TBCD: variants seen among roughly 807,000 people sequenced by gnomAD.
The protein encoded by TBCD is tubulin folding cofactor D, also known as tubulin-specific chaperone D.
Under a neutral mutation model 169.3 loss-of-function variants are expected in TBCD, and 105 were observed. The ratio of observed to expected loss-of-function variants is 0.62; its 90% CI spans 0.53 to 0.73. TBCD has a LOEUF of 0.73. Ranked by LOEUF, TBCD falls within the 30% of genes least tolerant of loss-of-function variation. The pLI is 0.00. For missense variants in TBCD, 1,444 were observed against 1,600.1 expected (o/e 0.90, Z 1.66); for synonymous variants, 700 against 643.9 (o/e 1.09, Z -1.32).
intron 35 of TBCD, 131 bp from the exon 36 acceptor site, chr17:82,937,918 G>A (rs1259037486): frequency 6.5e-7 from 1 of 1,534,556 alleles, no homozygotes; most frequent in African/African-American, 1.4e-5. Context: ...TCCGGCTTGG[G>A]GCCCCAGGCC....
chr17:82,752,203 A>G lies in TBCD; in HGVS notation c.10A>G (p.Ser4Gly). The G allele has an allele frequency of 6.6e-7, 1 of 1,521,752 alleles. No homozygotes were observed. The allele number at this position is 1,521,752 out of a possible 1,614,324, so 94.3% of individuals were successfully genotyped here. The stretch of plus-strand genomic sequence containing the variant: ...TCCCCAGGCTGCCGAGATGGCCCTG[A>G]GCGACGAACCGGCCGCGGGCGGCCC... Reference protein sequence around the residue: MALSDEPAAGGPEE... With the variant: MALGDEPAAGGPEE... Residue 4 changes from serine to glycine, a missense_variant, in exon 1 of 39, where the codon AGC (serine) becomes GGC (glycine). By Grantham distance (56) the Ser-to-Gly change is moderately conservative (BLOSUM62 0). Coordinates refer to ENST00000355528, the MANE Select transcript of TBCD (RefSeq NM_005993.5).
rs1009755542 is a variant in TBCD at position 82,806,615 on chromosome 17, G to A, written c.1087+604G>A. On this transcript the variant is annotated intron_variant, in intron 10 of 38. Coordinates refer to ENST00000355528, the MANE Select transcript of TBCD (RefSeq NM_005993.5). This position sits in a 1 kb window ranked among gnomAD's most constrained non-coding sequence, Gnocchi z 5.1. Reference sequence around the variant, plus strand: ...GCCTCTTCATGTCCCCTCCCTGTGAGGCCCCCATCCTCCCAGTATCTCCCA... The same window carrying A: ...GCCTCTTCATGTCCCCTCCCTGTGAAGCCCCCATCCTCCCAGTATCTCCCA... Among the ~76,000 whole-genome samples, 1 of 152,062 alleles carries A rather than the reference G, an allele frequency of 6.6e-6. No homozygotes were observed. The highest frequency in any genetic ancestry group is 1.5e-5 in the Non-Finnish European group (1 of 67,994).
intron 5 of TBCD, among the ~76,000 whole-genome samples, chr17:82,771,076 C>A (rs762836149): frequency 6.7e-6 from 1 of 149,192 alleles, no homozygotes. Flanking sequence ...AAAAGCCTGC[C>A]CCAGAAAAAA....
In TBCD at chr17:82,921,504, G is replaced by A. The variant is rs754528442; in HGVS notation, c.2105G>A (p.Gly702Asp). The A allele has an allele frequency of 6.2e-7, 1 of 1,613,848 alleles. No homozygotes were observed. The highest frequency in any genetic ancestry group is 8.5e-7 in the Non-Finnish European group (1 of 1,179,876). ...MPFRGDTVID[G>D]WQWLINDTLR... is the part of the protein sequence containing the mutation. ...CGCTAACTTGATTTTTTGACAGATGGTTGGCAATGGCTGATAAATGACACT... is the reference window on the plus strand; with the variant it reads ...CGCTAACTTGATTTTTTGACAGATGATTGGCAATGGCTGATAAATGACACT... The change falls in exon 25 of 39, where the codon GGT becomes GAT. Residue 702 changes from glycine to aspartate, a missense_variant. Gly to Asp is a moderately conservative substitution (Grantham distance 94). Coordinates refer to ENST00000355528, the MANE Select transcript of TBCD (RefSeq NM_005993.5).
At position 82,918,940 on chromosome 17, in the gene TBCD, A is replaced by C. The variant is rs1308044400; in HGVS notation, c.2039-1616A>C. ...GTGAGTGATGGTGTCACAGGTGCCCACGTGGAAGAAGGTAAAGTCGTATCT... is the reference window on the plus strand; with the variant it reads ...GTGAGTGATGGTGTCACAGGTGCCCCCGTGGAAGAAGGTAAAGTCGTATCT... On this transcript the variant is annotated intron_variant, in intron 23 of 38. Coordinates refer to ENST00000355528, the MANE Select transcript of TBCD (RefSeq NM_005993.5). Among the ~76,000 whole-genome samples the C allele has an allele frequency of 3.9e-5, 6 of 152,244 alleles. No homozygotes were observed. The East Asian group carries it at 1.2e-3, about 29-fold the overall frequency.
intron 9 of TBCD, among the ~76,000 whole-genome samples, chr17:82,802,174 A>G (rs1427075575): frequency 6.6e-6 from 1 of 151,180 alleles, no homozygotes; most frequent in Non-Finnish European, 1.5e-5. Flanking sequence ...ATGTCTTAGC[A>G]GTCTGTAGCG....
At chr17:82,936,080 C>T (rs949296935) in intron 34 of TBCD, among the ~76,000 whole-genome samples, 23 of 152,224 alleles carry the variant, frequency 1.5e-4, no homozygotes, top group African/African-American at 5.5e-4. Context: ...GGAAACGGCC[C>T]GGGTTTCCCA....
At position 82,806,555 on chromosome 17, in the gene TBCD, G is replaced by A. The variant is rs375022983; in HGVS notation, c.1087+544G>A. 2.0e-5 allele frequency among the ~76,000 whole-genome samples: 3 copies of A among 152,024 alleles called. No homozygotes were observed. Among genetic ancestry groups the A allele is most frequent in the African/African-American group, 2.4e-5 (1 of 41,384 alleles). On this transcript the variant is annotated intron_variant, in intron 10 of 38. Transcript: ENST00000355528. The surrounding 1 kb of genome is among the most constrained non-coding windows in gnomAD (Gnocchi z 5.1). The stretch of plus-strand genomic sequence containing the variant: ...CCACACACTGTCCTGCCCTCCTGCC[G>A]CGGTTGGATGAAGTCTTCCCTGGAC...
At chr17:82,776,549 G>A (rs866612745) in intron 6 of TBCD, among the ~76,000 whole-genome samples, 3 of 152,192 alleles carry the variant, frequency 2.0e-5, no homozygotes, top group African/African-American at 7.2e-5. Context: ...ACAAGTCAGA[G>A]TCAGCACTGT....
At position 82,903,473 on chromosome 17, in the gene TBCD, C is replaced by T. The variant is rs1047593267; in HGVS notation, c.1799C>T (p.Thr600Met). 5.0e-6 allele frequency: 8 copies of T among 1,594,166 alleles called. No individual in the cohort carries two copies. Among genetic ancestry groups the T allele is most frequent in the Admixed American group, 1.7e-5 (1 of 57,340 alleles). ...LAQQAPEFSA[T>M]QVFPRLLSMT... ...CAGCAGGCACCCGAGTTCAGCGCCA[C>T]GCAAGGTGGGTGTGTGTCCCGGCCG... The change falls in exon 19 of 39, where the codon ACG (threonine) becomes ATG (methionine). Residue 600 changes from threonine to methionine, a missense_variant. Transcript: ENST00000355528. This position sits in a 1 kb window ranked among gnomAD's most constrained non-coding sequence, Gnocchi z 4.8.
chr17:82,826,304 A>T (rs942099067), intron 13 of TBCD, among the ~76,000 whole-genome samples: 2 of 151,950 alleles, frequency 1.3e-5, no homozygotes, highest in African/African-American at 2.4e-5. Flanking sequence ...ATTGGGTTTT[A>T]AAAAATTATG....
At chr17:82,802,849 A>G (rs1383785358) in intron 9 of TBCD, among the ~76,000 whole-genome samples, 2 of 152,286 alleles carry the variant, frequency 1.3e-5, no homozygotes, top group African/African-American at 4.8e-5. Context: ...CGGCGCAGTC[A>G]GGTTGCCATG....
intron 17 of TBCD, among the ~76,000 whole-genome samples, chr17:82,899,397 C>T (rs2059742350): frequency 6.7e-6 from 1 of 150,230 alleles, no homozygotes; most frequent in South Asian, 2.1e-4. Flanking sequence ...CACGCGTGTC[C>T]TCAGCTGCTT....
In TBCD at chr17:82,920,683, A is replaced by G; in HGVS notation, c.2101+65A>G. The G allele has an allele frequency of 7.3e-7, 1 of 1,373,928 alleles. No individual in the cohort carries two copies. Among genetic ancestry groups the G allele is most frequent in the South Asian group, 1.3e-5 (1 of 76,932 alleles). 85.1% of individuals were successfully genotyped at this position (1,373,928 alleles called of 1,614,324 possible). ...AATGACTTCAGATTAAAAGGTAAAA[A>G]TGAACCTGTTAGGATGGGGGCGATA... On this transcript the variant is annotated intron_variant, in intron 24 of 38. Transcript: ENST00000355528. The surrounding 1 kb of genome is among the most constrained non-coding windows in gnomAD (Gnocchi z 4.1).
intron 14 of TBCD, among the ~76,000 whole-genome samples, chr17:82,879,075 T>C (rs2058172320): frequency 1.3e-5 from 2 of 151,208 alleles, no homozygotes; most frequent in Admixed American, 6.6e-5. Flanking sequence ...TTTTTTTTTT[T>C]TTTTCTTTTT....
At chr17:82,813,535 C>G (rs2051622831) in intron 12 of TBCD, among the ~76,000 whole-genome samples, 1 of 152,144 alleles carries the variant, frequency 6.6e-6, no homozygotes, top group African/African-American at 2.4e-5. Context: ...TCCCCTGGAC[C>G]CTGCCACCCT....
At chr17:82,937,172 C>A in intron 34 of TBCD, 99 bp from the exon 35 acceptor site, 1 of 1,081,830 alleles carries the variant, frequency 9.2e-7, no homozygotes, top group Non-Finnish European at 1.4e-6. Context: ...TGGACTGAGC[C>A]ACTGGGAGGA....
At chr17:82,895,379 T>TTG (rs1265080620) in intron 17 of TBCD, among the ~76,000 whole-genome samples, 3 of 152,170 alleles carry the variant, frequency 2.0e-5, no homozygotes, top group African/African-American at 7.2e-5. Flanking sequence ...AGTGGTCCTG[T>TTG]TCAGCAGAGG....
intron 23 of TBCD, among the ~76,000 whole-genome samples, chr17:82,917,845 G>T (rs905322546): frequency 6.6e-6 from 1 of 152,174 alleles, no homozygotes; most frequent in Non-Finnish European, 1.5e-5. Context: ...GGTTCTTGTG[G>T]CGCCCCCTGG....
Sources: allele counts gnomAD v4.1 joint callset (sites outside exome capture counted in the v4.1 genomes callset), GRCh38; gene constraint gnomAD v4.1.1; non-coding constraint Gnocchi (gnomAD v3.1); transcripts MANE v1.5; gene names NCBI Gene and HGNC (gene_info 2026-07-23, HGNC 2026-07-21).